The following ABI1 variants were observed in gnomAD, a reference collection of about 807,000 sequenced individuals.
The protein encoded by ABI1 is Abelson interactor 1.
ABI1 carries 14 observed loss-of-function variants against 54.6 expected under a neutral mutation model. That is an observed-to-expected ratio of 0.26 (90% CI 0.17 to 0.40). The LOEUF (loss-of-function observed/expected upper bound fraction) is 0.40. ABI1 is among the 10% of genes least tolerant of loss of function. The pLI is 1.00. For synonymous variants in ABI1, 194 were observed against 209.3 expected (o/e 0.93, Z 0.63); for missense variants, 443 against 598.3 (o/e 0.74, Z 2.71).
chr10:26,843,002 C>T lies in ABI1; in HGVS notation c.117+17745G>A, dbSNP rs2049646736. 2.0e-5 allele frequency among the ~76,000 whole-genome samples: 3 copies of T among 152,024 alleles called. No individual in the cohort carries two copies. In the South Asian group the frequency reaches 6.2e-4, roughly 32 times the overall value. ...GAGGCTGCAGTGAACCAAGATCTAG[C>T]CACTGCACTCCAGCCTGGGCGACAG... On this transcript the variant is annotated intron_variant, in intron 1 of 10. Coordinates refer to ENST00000376140, the MANE Select transcript of ABI1 (RefSeq NM_001012750.3).
chr10:26,803,722 C>T (rs2133409510), intron 2 of ABI1, among the ~76,000 whole-genome samples: 1 of 152,232 alleles, frequency 6.6e-6, no homozygotes, highest in South Asian at 2.1e-4. Flanking sequence ...ATAAAATTGA[C>T]ATCGTGCCCT....
At chr10:26,837,203 C>T (rs1468325566) in intron 1 of ABI1, among the ~76,000 whole-genome samples, 1 of 152,198 alleles carries the variant, frequency 6.6e-6, no homozygotes, top group African/African-American at 2.4e-5. Context: ...TCTCACAGTT[C>T]TGAAGGCCAG....
At chr10:26,829,881 T>C (rs2048552598) in intron 1 of ABI1, among the ~76,000 whole-genome samples, 1 of 152,118 alleles carries the variant, frequency 6.6e-6, no homozygotes, top group African/African-American at 2.4e-5. Flanking sequence ...AATTTAAAAA[T>C]TTTCAGTGTA....
Position 26,849,958 on chromosome 10 carries a change from A to T in ABI1, c.117+10789T>A, listed in dbSNP as rs1270920749. Among the ~76,000 whole-genome samples the T allele has an allele frequency of 3.3e-5, 5 of 152,232 alleles. No individual in the cohort carries two copies. The East Asian group carries it at 7.7e-4, about 23-fold the overall frequency. On this transcript the variant is annotated intron_variant, in intron 1 of 10. Transcript: ENST00000376140. ...TTATTGATATAGTTTCAGAGTCCAC[A>T]CTGTAACTAACCTTTAAGAAACTAC...
chr10:26,838,215 G>C (rs1266681406), intron 1 of ABI1, among the ~76,000 whole-genome samples: 2 of 151,712 alleles, frequency 1.3e-5, no homozygotes, highest in African/African-American at 2.4e-5. Context: ...GTAGAGACAG[G>C]GTTTCACCAT....
intron 1 of ABI1, among the ~76,000 whole-genome samples, chr10:26,831,175 T>C (rs1381738591): frequency 6.6e-6 from 1 of 152,128 alleles, no homozygotes; most frequent in Admixed American, 6.5e-5. Context: ...ACAACATATT[T>C]GTCTTTTATA....
At chr10:26,796,865 A>G (rs1426893434) in intron 2 of ABI1, among the ~76,000 whole-genome samples, 1 of 152,186 alleles carries the variant, frequency 6.6e-6, no homozygotes, top group African/African-American at 2.4e-5. Context: ...TCAGATCATC[A>G]GGCATTAGAT....
chr10:26,806,852 G>C (rs1391692982), intron 2 of ABI1, among the ~76,000 whole-genome samples: 1 of 152,128 alleles, frequency 6.6e-6, no homozygotes, highest in African/African-American at 2.4e-5. Flanking sequence ...CAATGAATTA[G>C]ACTAGAATCA....
intron 5 of ABI1, among the ~76,000 whole-genome samples, 163 bp from the exon 6 acceptor site, chr10:26,769,155 AT>A (rs1263163172): frequency 1.3e-5 from 2 of 152,212 alleles, no homozygotes; most frequent in Non-Finnish European, 2.9e-5. Context: ...GGATATATGA[AT>A]TTTGTTACTT....
At chr10:26,837,005 G>A (rs936957757) in intron 1 of ABI1, among the ~76,000 whole-genome samples, 1 of 152,124 alleles carries the variant, frequency 6.6e-6, no homozygotes, top group African/African-American at 2.4e-5. Flanking sequence ...TACTGAGGCT[G>A]TTTTCTAAAC....
intron 2 of ABI1, among the ~76,000 whole-genome samples, chr10:26,794,906 G>A (rs554854158): frequency 3.9e-4 from 59 of 152,224 alleles, no homozygotes; most frequent in Non-Finnish European, 6.9e-4. Flanking sequence ...CACTTTGGGA[G>A]GCTGAGTTGG....
At chr10:26,799,714 C>T (rs993124109) in intron 2 of ABI1, among the ~76,000 whole-genome samples, 2 of 152,030 alleles carry the variant, frequency 1.3e-5, no homozygotes, top group Non-Finnish European at 2.9e-5. Flanking sequence ...CTTATTTATG[C>T]GTTAGAAGTT....
At chr10:26,841,764 A>G (rs2049529609) in intron 1 of ABI1, among the ~76,000 whole-genome samples, 1 of 152,116 alleles carries the variant, frequency 6.6e-6, no homozygotes. Context: ...GGCAAATGGC[A>G]GTATCTGCAT....
rs140672315 is a variant in ABI1, at chr10:26,755,423, G to A, written c.1084+232C>T. ...GTAAAGATCAGATCTCCTGTTTTAG[G>A]ATCATGTAAAGACATAAGAAAATTG... is the stretch of plus-strand genomic sequence containing the variant. On this transcript the variant is annotated intron_variant, in intron 9 of 10. Coordinates refer to ENST00000376140, the MANE Select transcript of ABI1 (RefSeq NM_001012750.3). Among the ~76,000 whole-genome samples, 231 of 152,122 alleles carry A rather than the reference G, an allele frequency of 1.5e-3. 1 individual carries two copies. The highest frequency in any genetic ancestry group is 5.3e-3 in the African/African-American group (221 of 41,474).
Position 26,747,493 on chromosome 10 carries a change from A to G in ABI1, c.*1077T>C, listed in dbSNP as rs1837075641. On this transcript the variant is annotated 3_prime_UTR_variant, in exon 11 of 11. Transcript: ENST00000376140. ...TGGATTAAAGAGTGCCTACTCACAA[A>G]TCAACTGTATCCACTTTTACAATAT... is the stretch of plus-strand genomic sequence containing the variant. 4.8e-6 allele frequency: 1 copy of G among 208,696 alleles called. No individual in the cohort carries two copies. The highest frequency in any genetic ancestry group is 9.8e-6 in the Non-Finnish European group (1 of 102,400). The allele number at this position is 208,696 out of a possible 1,614,324, so 12.9% of individuals were successfully genotyped here. A position where few individuals can be genotyped will look rare whatever the true frequency, so the allele number is the denominator to read the frequency against.
intron 1 of ABI1, among the ~76,000 whole-genome samples, chr10:26,857,501 G>C (rs1301652566): frequency 6.6e-6 from 1 of 151,612 alleles, no homozygotes; most frequent in African/African-American, 2.4e-5. Flanking sequence ...AAATTAGCTG[G>C]GAGTGGTGGT....
At chr10:26,784,911 T>C (rs1842551585) in intron 2 of ABI1, among the ~76,000 whole-genome samples, 2 of 152,162 alleles carry the variant, frequency 1.3e-5, no homozygotes, top group South Asian at 4.1e-4. Flanking sequence ...GTAACTAGAT[T>C]AATGCCTTGG....
intron 10 of ABI1, 135 bp from the exon 11 acceptor site, chr10:26,748,880 A>G (rs1837253457): frequency 2.9e-6 from 2 of 688,378 alleles, no homozygotes; most frequent in Admixed American, 5.8e-5. Context: ...TGTATCTATC[A>G]ATATAAGTAG....
At chr10:26,757,522 TTGA>T (rs1395561856) in intron 8 of ABI1, among the ~76,000 whole-genome samples, 2 of 151,866 alleles carry the variant, frequency 1.3e-5, no homozygotes, top group Admixed American at 1.3e-4. Context: ...AAAAATAAAG[TTGA>T]TGAAACAAGT....
Sources: gnomAD v4.1 joint callset for allele counts (sites outside exome capture counted in the v4.1 genomes callset) on GRCh38, gnomAD v4.1.1 for gene constraint, MANE v1.5 for transcripts, NCBI Gene and HGNC (gene_info 2026-07-23, HGNC 2026-07-21) for gene names.